ZNF14: variants seen among roughly 807,000 people sequenced by gnomAD.
ZNF14 encodes zinc finger protein 14, also known as gonadotropin inducible transcription repressor-4.
In ZNF14, 9 loss-of-function variants were observed where a neutral mutation model predicts 11.3. The observed-to-expected ratio is 0.80, with a 90% CI of 0.48 to 1.39. ZNF14 has a LOEUF of 1.39. Among genes scored for constraint, ZNF14 ranks in the 40% most tolerant of loss-of-function variants. The pLI is 0.00. For synonymous variants in ZNF14, 239 were observed against 245.7 expected (o/e 0.97, Z 0.25); for missense variants, 711 against 763.9 (o/e 0.93, Z 0.82).
chr19:19,711,934 A>G lies in ZNF14; in HGVS notation c.1347T>C (p.Cys449=). The change falls in exon 4 of 4, where the codon TGT becomes TGC. Residue 449 remains cysteine, a synonymous_variant. Coordinates refer to ENST00000344099, the MANE Select transcript of ZNF14 (RefSeq NM_021030.3). The part of the protein sequence containing the change: ...RTHNAEKPYE[C]KQCGKAFRCS... ...ACCTGAAGGCTTTCCCACACTGTTT[A>G]CATTCATAGGGTTTCTCTGCATTGT... 6.2e-7 allele frequency: 1 copy of G among 1,614,068 alleles called. No homozygotes were observed. Among genetic ancestry groups the G allele is most frequent in the Non-Finnish European group, 8.5e-7 (1 of 1,179,996 alleles).
At chr19:19,717,834 GTTT>G (rs918270048) in intron 1 of ZNF14, among the ~76,000 whole-genome samples, 5 of 152,158 alleles carry the variant, frequency 3.3e-5, no homozygotes, top group African/African-American at 1.2e-4. Context: ...TAGGGTTTCT[GTTT>G]AAAAACAGGT....
At position 19,733,013 on chromosome 19, in the gene ZNF14, A is replaced by G. The variant is rs1036452166; in HGVS notation, c.-55T>C. 51 of 1,604,488 alleles carry G rather than the reference A, an allele frequency of 3.2e-5. No homozygotes were observed. The highest frequency in any genetic ancestry group is 4.0e-5 in the African/African-American group (3 of 74,602). On this transcript the variant is annotated 5_prime_UTR_variant, in exon 1 of 4. Transcript: ENST00000344099. Reference sequence around the variant, plus strand: ...TCCCTACGGATCTGTCAGTACCTGCAGGTCACGGCGCGACAAAGGATGCGC... The same window carrying G: ...TCCCTACGGATCTGTCAGTACCTGCGGGTCACGGCGCGACAAAGGATGCGC...
intron 1 of ZNF14, among the ~76,000 whole-genome samples, chr19:19,721,541 G>A (rs1240630722): frequency 6.6e-6 from 1 of 152,138 alleles, no homozygotes. Context: ...GTCACTGATT[G>A]CATCAATATT....
chr19:19,731,992 G>A (rs2062425107), intron 1 of ZNF14, among the ~76,000 whole-genome samples: 1 of 152,154 alleles, frequency 6.6e-6, no homozygotes, highest in Admixed American at 6.5e-5. Flanking sequence ...TTGAACCTGG[G>A]AGGCGGAGCT....
chr19:19,716,526 C>T (rs1456016312), intron 1 of ZNF14, among the ~76,000 whole-genome samples: 5 of 151,962 alleles, frequency 3.3e-5, no homozygotes, highest in African/African-American at 4.8e-5. Flanking sequence ...TGGGCTCAAG[C>T]GATCTGCCTG....
At chr19:19,718,001 A>T (rs1347279760) in intron 1 of ZNF14, among the ~76,000 whole-genome samples, 2 of 152,240 alleles carry the variant, frequency 1.3e-5, no homozygotes, top group Non-Finnish European at 2.9e-5. Context: ...TGAAAACAGT[A>T]AACAGAGACA....
At chr19:19,725,074 C>T (rs1341192001) in intron 1 of ZNF14, among the ~76,000 whole-genome samples, 1 of 132,970 alleles carries the variant, frequency 7.5e-6, no homozygotes, top group African/African-American at 2.8e-5. Context: ...GCATTTACCC[C>T]ACTTACATTT....
chr19:19,712,314 G>A lies in ZNF14; in HGVS notation c.967C>T (p.Arg323Ter), dbSNP rs751933085. Residue 323 changes from arginine (R) to a stop codon, truncating the protein, a stop_gained, in exon 4 of 4, where the codon CGA (arginine) becomes TGA (stop). Transcript: ENST00000344099. LOFTEE classifies it low-confidence loss of function (END_TRUNC). ...GKAFFYSASF[R>*]AHVIIHTGAR... ...CCAGTGTGTATTATTACATGTGCTC[G>A]AAAGCTTGCAGAATAAAAGAAGGCT... 41 of 1,613,790 alleles carry A rather than the reference G, an allele frequency of 2.5e-5. No homozygotes were observed. Among genetic ancestry groups the A allele is most frequent in the South Asian group, 2.3e-4 (21 of 91,042 alleles).
At chr19:19,713,961 T>C in intron 3 of ZNF14, 130 bp downstream of exon 3, 2 of 812,228 alleles carry the variant, frequency 2.5e-6, no homozygotes, top group East Asian at 2.5e-5. Flanking sequence ...ACATCTATGA[T>C]GTTTTTAAGA....
rs1348888981 is a variant in ZNF14 at position 19,712,309 on chromosome 19, T to C, written c.972A>G (p.Ala324=). 2 of 1,614,036 alleles carry C rather than the reference T, an allele frequency of 1.2e-6. No homozygotes were observed. Among genetic ancestry groups the C allele is most frequent in the Non-Finnish European group, 1.7e-6 (2 of 1,179,988 alleles). Residue 324 remains alanine, a synonymous_variant, in exon 4 of 4, where the codon GCA becomes GCG. Transcript: ENST00000344099. ...GAGCCCCAGTGTGTATTATTACATG[T>C]GCTCGAAAGCTTGCAGAATAAAAGA... is the stretch of plus-strand genomic sequence containing the variant. ...KAFFYSASFR[A]HVIIHTGARP... is the part of the protein sequence containing the mutation.
At chr19:19,723,959 G>T (rs1254783611) in intron 1 of ZNF14, among the ~76,000 whole-genome samples, 2 of 133,214 alleles carry the variant, frequency 1.5e-5, no homozygotes, top group African/African-American at 5.6e-5. Flanking sequence ...GCATCTATTT[G>T]ATTCTTCTCT....
chr19:19,730,503 T>C (rs1334881843), intron 1 of ZNF14, among the ~76,000 whole-genome samples: 2 of 152,218 alleles, frequency 1.3e-5, no homozygotes, highest in African/African-American at 4.8e-5. Flanking sequence ...AATTACAAGG[T>C]AGGCATCTTA....
rs1158545386 is a variant in ZNF14, at chr19:19,720,454, C to T, written c.4-5967G>A. On this transcript the variant is annotated intron_variant, in intron 1 of 3. Transcript: ENST00000344099. The surrounding 1 kb of genome is among the most constrained non-coding windows in gnomAD (Gnocchi z 4.1). ...TTCCTGGGTTCAAGTAATTCTCCTGCCTCAGCTTTCCGAGTAACTTAAATA... is the reference window on the plus strand; with the variant it reads ...TTCCTGGGTTCAAGTAATTCTCCTGTCTCAGCTTTCCGAGTAACTTAAATA... Among the ~76,000 whole-genome samples the T allele has an allele frequency of 6.6e-6, 1 of 151,834 alleles. No homozygotes were observed. Among genetic ancestry groups the T allele is most frequent in the Non-Finnish European group, 1.5e-5 (1 of 68,022 alleles).
chr19:19,714,488 C>G lies in ZNF14; in HGVS notation c.4-1G>C. 6.2e-7 allele frequency: 1 copy of G among 1,611,786 alleles called. No homozygotes were observed. The highest frequency in any genetic ancestry group is 2.2e-5 in the East Asian group (1 of 44,872). ...CCACATCCTCAAAGGAGACTGAGTCCTGAAACATTCCACATATGTTTACAG... is the reference window on the plus strand; with the variant it reads ...CCACATCCTCAAAGGAGACTGAGTCGTGAAACATTCCACATATGTTTACAG... On this transcript the variant is annotated splice_acceptor_variant, in intron 1 of 3. Transcript: ENST00000344099. LOFTEE classifies it high-confidence loss of function.
chr19:19,721,750 T>TC (rs1485483714), intron 1 of ZNF14, among the ~76,000 whole-genome samples: 2 of 151,928 alleles, frequency 1.3e-5, no homozygotes, highest in Non-Finnish European at 2.9e-5. Flanking sequence ...TCACCTGAGG[T>TC]CAGGAGTTCA....
chr19:19,712,159 C>A lies in ZNF14; in HGVS notation c.1122G>T (p.Trp374Cys). The A allele has an allele frequency of 6.2e-7, 1 of 1,613,860 alleles. No homozygotes were observed. Among genetic ancestry groups the A allele is most frequent in the Non-Finnish European group, 8.5e-7 (1 of 1,179,990 alleles). ...ECKRCGKSFSWSISLRLHERT... is the reference protein window; with the variant it reads ...ECKRCGKSFSCSISLRLHERT... ...TTTCATGCAATCGAAGAGAAATGGA[C>A]CAACTGAATGATTTGCCACATCGTT... Residue 374 changes from tryptophan (W) to cysteine (C), a missense_variant, in exon 4 of 4, where the codon TGG becomes TGT. By Grantham distance (215) the Trp-to-Cys change is radical. Coordinates refer to ENST00000344099, the MANE Select transcript of ZNF14 (RefSeq NM_021030.3).
intron 1 of ZNF14, among the ~76,000 whole-genome samples, chr19:19,732,188 A>G (rs2062426055): frequency 1.3e-5 from 2 of 152,242 alleles, no homozygotes; most frequent in Admixed American, 1.3e-4. Context: ...AAACACACAC[A>G]AACAAGAAAA....
chr19:19,711,671 C>G lies in ZNF14; in HGVS notation c.1610G>C (p.Gly537Ala). 6.2e-7 allele frequency: 1 copy of G among 1,614,054 alleles called. No homozygotes were observed. The highest frequency in any genetic ancestry group is 8.5e-7 in the Non-Finnish European group (1 of 1,180,006). The change falls in exon 4 of 4, where the codon GGT becomes GCT. Residue 537 changes from glycine to alanine, a missense_variant. By Grantham distance (60) the Gly-to-Ala change is moderately conservative. Transcript: ENST00000344099. Reference protein sequence around the residue: ...GNKPFECKQCGKAFLRSSQIR... With the variant: ...GNKPFECKQCAKAFLRSSQIR... ...TTGACTGGAACGAAGGAAGGCCTTA[C>G]CACATTGCTTACACTCAAAAGGCTT...
chr19:19,713,229 T>C (rs1303430353), intron 3 of ZNF14, 140 bp from the exon 4 acceptor site: 1 of 772,024 alleles, frequency 1.3e-6, no homozygotes, highest in African/African-American at 1.8e-5. Context: ...AGTTAATATA[T>C]TCAATGCTCT....
Sources: gnomAD v4.1 joint callset for allele counts (sites outside exome capture counted in the v4.1 genomes callset) on GRCh38, gnomAD v4.1.1 for gene constraint, Gnocchi (gnomAD v3.1) non-coding constraint, MANE v1.5 for transcripts, NCBI Gene and HGNC (gene_info 2026-07-23, HGNC 2026-07-21) for gene names.